MIIP: variants seen among roughly 807,000 people sequenced by gnomAD.
MIIP encodes migration and invasion inhibitory protein.
MIIP carries 44 observed loss-of-function variants against 44.8 expected under a neutral mutation model. That is an observed-to-expected ratio of 0.98 (90% CI 0.77 to 1.26). The LOEUF (loss-of-function observed/expected upper bound fraction) is 1.26. MIIP is among the 50% of genes most tolerant of loss of function. MIIP has a pLI of 0.00. For synonymous variants in MIIP, 225 were observed against 218.3 expected, an observed-to-expected ratio of 1.03 and a Z score of -0.27; for missense variants, 496 against 511.7, an observed-to-expected ratio of 0.97 and a Z score of 0.30.
chr1:12,024,623 A>G (rs995046486), intron 4 of MIIP, among the ~76,000 whole-genome samples: 58 of 152,280 alleles, frequency 3.8e-4, no homozygotes, highest in African/African-American at 1.3e-3. Flanking sequence ...CATGTTGGCC[A>G]GGCTGGTCTG....
intron 4 of MIIP, chr1:12,024,273 C>G (rs1640054103): frequency 1.3e-5 from 2 of 152,258 alleles, no homozygotes; most frequent in Non-Finnish European, 2.9e-5. Flanking sequence ...AATGCCAGCT[C>G]TTTTCACGTT....
At chr1:12,025,039 TG>T (rs202049954) in intron 4 of MIIP, among the ~76,000 whole-genome samples, 1,443 of 139,728 alleles carry the variant, frequency 0.01, 41 homozygotes, top group African/African-American at 0.03. Context: ...TTTTTTTTTT[TG>T]TTTTTTGTTT....
rs1639981453 is a variant in MIIP at position 12,021,810 on chromosome 1, G to A, written c.84G>A (p.Val28=). The part of the protein sequence containing the change: ...LRQLWVGQDA[V]RRSVARAASE... The stretch of plus-strand genomic sequence containing the variant: ...AGCTGTGGGTGGGGCAGGATGCTGT[G>A]CGGCGGTCAGTGGCCAGGGCAGCCT... Residue 28 remains valine, a synonymous_variant, in exon 2 of 10, where the codon GTG becomes GTA. Transcript: ENST00000235332. 1 of 1,611,700 alleles carries A rather than the reference G, an allele frequency of 6.2e-7. No individual in the cohort carries two copies. The highest frequency in any genetic ancestry group is 8.5e-7 in the Non-Finnish European group (1 of 1,179,692).
chr1:12,031,651 A>G (rs1474147752), intron 9 of MIIP, 71 bp from the exon 10 acceptor site: 15 of 1,613,474 alleles, frequency 9.3e-6, no homozygotes, highest in Non-Finnish European at 1.1e-5. Context: ...CCAGGAGGGA[A>G]TGTGGCTGGA....
rs2100908223 is a variant in MIIP at position 12,030,132 on chromosome 1, G to C, written c.942+8G>C. 6.2e-7 allele frequency: 1 copy of C among 1,611,652 alleles called. No individual in the cohort carries two copies. The highest frequency in any genetic ancestry group is 1.1e-5 in the South Asian group (1 of 91,028). On this transcript the variant is annotated splice_region_variant and intron_variant, in intron 8 of 9. Coordinates refer to ENST00000235332, the MANE Select transcript of MIIP (RefSeq NM_021933.4). ...ACACTGGCCCTGCCCCGGGTGAGCA[G>C]CCACGTGGGGCTGGATGGTGATGAG...
At position 12,022,204 on chromosome 1, in the gene MIIP, G is replaced by A. The variant is rs1392127219; in HGVS notation, c.224G>A (p.Gly75Asp). Residue 75 changes from glycine to aspartate, a missense_variant, in exon 3 of 10, where the codon GGC becomes GAC. Transcript: ENST00000235332. ...SCPRGRSSVWGPPDACRGDLR... is the reference protein window; with the variant it reads ...SCPRGRSSVWDPPDACRGDLR... ...CCACGGGGCCGGTCCTCCGTGTGGG[G>A]CCCACCAGATGCCTGTCGAGGGGAC... 1.2e-6 allele frequency: 2 copies of A among 1,613,220 alleles called. No homozygotes were observed. Among genetic ancestry groups the A allele is most frequent in the Non-Finnish European group, 1.7e-6 (2 of 1,179,670 alleles).
chr1:12,030,211 C>A, intron 8 of MIIP, 87 bp downstream of exon 8: 2 of 1,303,898 alleles, frequency 1.5e-6, no homozygotes, highest in South Asian at 1.2e-5. Context: ...CAGAGCGAGA[C>A]TGGGCTCGAC....
chr1:12,029,375 G>C, intron 6 of MIIP, 94 bp downstream of exon 6: 1 of 1,331,390 alleles, frequency 7.5e-7, no homozygotes, highest in Non-Finnish European at 1.0e-6. Flanking sequence ...GAGGTTTGGG[G>C]CCTGGGGAGG....
intron 8 of MIIP, 187 bp from the exon 9 acceptor site, chr1:12,031,079 C>CA (rs1569935429): frequency 3.0e-6 from 2 of 676,994 alleles, no homozygotes; most frequent in East Asian, 5.6e-5. Flanking sequence ...CTCAGGGCCC[C>CA]AGGGATGGCT....
At chr1:12,027,386 C>A (rs891582185) in intron 4 of MIIP, among the ~76,000 whole-genome samples, 1 of 152,174 alleles carries the variant, frequency 6.6e-6, no homozygotes, top group Admixed American at 6.5e-5. Flanking sequence ...CATCAGTGGC[C>A]TCCGTGGTGC....
At chr1:12,025,185 G>A (rs903180865) in intron 4 of MIIP, among the ~76,000 whole-genome samples, 1 of 151,428 alleles carries the variant, frequency 6.6e-6, no homozygotes, top group Admixed American at 6.6e-5. Context: ...TCAGCCTCCC[G>A]AGTAGCAGGT....
chr1:12,019,659 C>T (rs1333750519), intron 1 of MIIP, 107 bp downstream of exon 1: 1 of 152,332 alleles, frequency 6.6e-6, no homozygotes, highest in Non-Finnish European at 1.5e-5. Context: ...GAAGGGTAGG[C>T]TGCATCTGCC....
rs745386183 is a variant in MIIP, at chr1:12,031,255, G to C, written c.943-11G>C. The C allele has an allele frequency of 3.1e-6, 5 of 1,611,556 alleles. No homozygotes were observed. The highest frequency in any genetic ancestry group is 4.2e-6 in the Non-Finnish European group (5 of 1,178,772). On this transcript the variant is annotated splice_polypyrimidine_tract_variant and intron_variant, in intron 8 of 9. Coordinates refer to ENST00000235332, the MANE Select transcript of MIIP (RefSeq NM_021933.4). ...CCAGGTCAGGCACTTTTAACTCCTT[G>C]CCTTCCACAGCACTGCCTGCTGGGC...
At chr1:12,020,439 T>C (rs1423599931) in intron 1 of MIIP, among the ~76,000 whole-genome samples, 1 of 152,146 alleles carries the variant, frequency 6.6e-6, no homozygotes, top group Non-Finnish European at 1.5e-5. Flanking sequence ...TAATAGACGT[T>C]TATTGAATGC....
Position 12,022,824 on chromosome 1 carries a change from C to A in MIIP, c.463-9C>A. ...CTTAGTCCTTGTCCCTCTGTGCTTC[C>A]TTCCTCAGCCCAGGGTGACCTTCTC... On this transcript the variant is annotated splice_polypyrimidine_tract_variant and intron_variant, in intron 3 of 9. Coordinates refer to ENST00000235332, the MANE Select transcript of MIIP (RefSeq NM_021933.4). 1 of 1,596,972 alleles carries A rather than the reference C, an allele frequency of 6.3e-7. No individual in the cohort carries two copies. Among genetic ancestry groups the A allele is most frequent in the East Asian group, 2.3e-5 (1 of 44,246 alleles).
chr1:12,023,499 G>A (rs1350517829), intron 4 of MIIP, among the ~76,000 whole-genome samples: 1 of 150,930 alleles, frequency 6.6e-6, no homozygotes, highest in East Asian at 2.0e-4. Context: ...CGCCTCCCAG[G>A]TTCATACCAT....
chr1:12,031,539 AG>A, intron 9 of MIIP, 136 bp downstream of exon 9: 1 of 1,567,402 alleles, frequency 6.4e-7, no homozygotes, highest in Middle Eastern at 1.8e-4. Context: ...GTCTCTCTGC[AG>A]GGTCCAGCCC....
chr1:12,022,813 C>T lies in MIIP; in HGVS notation c.463-20C>T. 1 of 1,585,516 alleles carries T rather than the reference C, an allele frequency of 6.3e-7. No homozygotes were observed. Among genetic ancestry groups the T allele is most frequent in the Non-Finnish European group, 8.6e-7 (1 of 1,161,456 alleles). On this transcript the variant is annotated intron_variant, in intron 3 of 9. Transcript: ENST00000235332. ...AGGCCTCTTGGCTTAGTCCTTGTCC[C>T]TCTGTGCTTCCTTCCTCAGCCCAGG...
rs760221404 is a variant in MIIP, at chr1:12,030,029, G to T, written c.847G>T (p.Val283Leu). The T allele has an allele frequency of 1.2e-6, 2 of 1,613,462 alleles. No individual in the cohort carries two copies. Among genetic ancestry groups the T allele is most frequent in the Non-Finnish European group, 1.7e-6 (2 of 1,179,864 alleles). Reference protein sequence around the residue: ...GTLAQPAHVRVSIPLSILEPP... With the variant: ...GTLAQPAHVRLSIPLSILEPP... Reference sequence around the variant, plus strand: ...GTCCCCCACTGCCCCCCTGCGCAGGGTGAGCATCCCGCTGTCGATCCTGGA... The same window carrying T: ...GTCCCCCACTGCCCCCCTGCGCAGGTTGAGCATCCCGCTGTCGATCCTGGA... Residue 283 changes from valine to leucine, a missense_variant and splice_region_variant, in exon 8 of 10, where the codon GTG becomes TTG. Val to Leu is a conservative substitution (Grantham distance 32). Transcript: ENST00000235332.
Sources: allele counts gnomAD v4.1 joint callset (sites outside exome capture counted in the v4.1 genomes callset), GRCh38; gene constraint gnomAD v4.1.1; transcripts MANE v1.5; gene names NCBI Gene and HGNC (gene_info 2026-07-23, HGNC 2026-07-21).